Variants in MRPL2 observed in about 807,000 individuals in gnomAD.
MRPL2 encodes mitochondrial ribosomal protein L2, also known as large ribosomal subunit protein uL2m.
Under a neutral mutation model 34.6 loss-of-function variants are expected in MRPL2, and 27 were observed. The observed-to-expected ratio is 0.78, with a 90% CI of 0.58 to 1.08. The LOEUF (loss-of-function observed/expected upper bound fraction) is 1.08, where lower values mean the gene tolerates loss of function less well. MRPL2 is among the 50% of genes least tolerant of loss of function. MRPL2 has a pLI of 0.00. For missense variants in MRPL2, 414 were observed against 419.3 expected (o/e 0.99, Z 0.11); for synonymous variants, 155 against 158.0 (o/e 0.98, Z 0.14).
upstream of MRPL2, chr6:43,059,637 T>C: frequency 7.2e-7 from 1 of 1,390,754 alleles, no homozygotes; most frequent in Non-Finnish European, 9.3e-7. Context: ...CATCATGGAT[T>C]TAAAGGGGCA....
rs867523607 is a variant in MRPL2, at chr6:43,055,566, C to T, written c.684G>A (p.Leu228=). 5.0e-6 allele frequency: 8 copies of T among 1,614,076 alleles called. No homozygotes were observed. The highest frequency in any genetic ancestry group is 6.8e-6 in the Non-Finnish European group (8 of 1,180,024). ...ACACCTGCATCTGCCTCTTAGAGGG[C>T]AGCTGGATAATGGCTGTGCCATTCA... ...RKVNGTAIIQ[L]PSKRQMQVLE... The change falls in exon 6 of 7, where the codon CTG becomes CTA. Residue 228 remains leucine (L), a synonymous_variant. Transcript: ENST00000388752.
intron 2 of MRPL2, among the ~76,000 whole-genome samples, chr6:43,056,707 C>T (rs1360815730): frequency 6.6e-6 from 1 of 152,220 alleles, no homozygotes; most frequent in Non-Finnish European, 1.5e-5. Flanking sequence ...CAGAGTCTCA[C>T]TCTGTTGCCC....
At chr6:43,056,680 CT>C (rs1401216889) in intron 2 of MRPL2, among the ~76,000 whole-genome samples, 1 of 152,126 alleles carries the variant, frequency 6.6e-6, no homozygotes. Flanking sequence ...AAAATATTTT[CT>C]TTTTTTCTTC....
At position 43,059,416 on chromosome 6, in the gene MRPL2, G is replaced by T; in HGVS notation, c.-35C>A. On this transcript the variant is annotated 5_prime_UTR_variant, in exon 1 of 7. Transcript: ENST00000388752. Reference sequence around the variant, plus strand: ...ACCCTTACTTTTAGCCAAGCTGCTCGGTGCTCCTAGATGACGTTGACTGTC... The same window carrying T: ...ACCCTTACTTTTAGCCAAGCTGCTCTGTGCTCCTAGATGACGTTGACTGTC... 1 of 1,512,798 alleles carries T rather than the reference G, an allele frequency of 6.6e-7. No individual in the cohort carries two copies. Among genetic ancestry groups the T allele is most frequent in the Non-Finnish European group, 8.9e-7 (1 of 1,124,876 alleles). 93.7% of individuals were successfully genotyped at this position (1,512,798 alleles called of 1,614,324 possible). A position where few individuals can be genotyped will look rare whatever the true frequency, so the allele number is the denominator to read the frequency against.
chr6:43,059,589 C>T (rs1765026261), upstream of MRPL2: 1 of 1,414,894 alleles, frequency 7.1e-7, no homozygotes, highest in Admixed American at 3.0e-5. Flanking sequence ...AGGCCCCGCC[C>T]CCCCAGACCC....
chr6:43,054,437 T>C lies in MRPL2; in HGVS notation c.755A>G (p.His252Arg), dbSNP rs200332324. ...TGCCTTGCCAATGACCCGTTTGTTATGATCAACGTTGGATACTCGGCCTAC... is the reference window on the plus strand; with the variant it reads ...TGCCTTGCCAATGACCCGTTTGTTACGATCAACGTTGGATACTCGGCCTAC... ...ATVGRVSNVD[H>R]NKRVIGKAGR... Residue 252 changes from histidine to arginine, a missense_variant, in exon 7 of 7, where the codon CAT becomes CGT. Coordinates refer to ENST00000388752, the MANE Select transcript of MRPL2 (RefSeq NM_015950.5). The C allele has an allele frequency of 1.9e-6, 3 of 1,614,224 alleles. No homozygotes were observed. The highest frequency in any genetic ancestry group is 1.7e-5 in the Admixed American group (1 of 60,022).
At position 43,059,323 on chromosome 6, in the gene MRPL2, A is replaced by G. The variant is rs768363057; in HGVS notation, c.59T>C (p.Val20Ala). The G allele has an allele frequency of 4.5e-6, 7 of 1,551,860 alleles. No individual in the cohort carries two copies. The South Asian group carries it at 8.3e-5, about 18-fold the overall frequency. Reference sequence around the variant, plus strand: ...GAACAGACTCGGGGCAGGGGCGGCGACGGTCGGGGGCGCCAGGTTCAGAGA... The same window carrying G: ...GAACAGACTCGGGGCAGGGGCGGCGGCGGTCGGGGGCGCCAGGTTCAGAGA... Reference protein sequence around the residue: ...LRSLNLAPPTVAAPAPSLFPA... With the variant: ...LRSLNLAPPTAAAPAPSLFPA... Residue 20 changes from valine to alanine, a missense_variant, in exon 1 of 7, where the codon GTC (valine) becomes GCC (alanine). Coordinates refer to ENST00000388752, the MANE Select transcript of MRPL2 (RefSeq NM_015950.5).
chr6:43,054,358 C>T lies in MRPL2; in HGVS notation c.834G>A (p.Lys278=). 1 of 1,614,210 alleles carries T rather than the reference C, an allele frequency of 6.2e-7. No homozygotes were observed. The highest frequency in any genetic ancestry group is 8.5e-7 in the Non-Finnish European group (1 of 1,180,036). The change falls in exon 7 of 7, where the codon AAG becomes AAA. Residue 278 remains lysine (K), a synonymous_variant. Transcript: ENST00000388752. The part of the protein sequence containing the change: ...KRPNSGRWHR[K]GGWAGRKIRP... ...GAATCTTTCGGCCAGCCCAGCCCCC[C>T]TTGCGGTGCCACCGCCCACTGTTAG...
chr6:43,054,252 AT>A lies in MRPL2; in HGVS notation c.*21del. Reference sequence around the variant, plus strand: ...ACAGATTAAAACGGGGGGGGGGGGCATTTTATTAGAGTACAGGGATATCAGC... The same window carrying A: ...ACAGATTAAAACGGGGGGGGGGGGCATTTATTAGAGTACAGGGATATCAGC... On this transcript the variant is annotated 3_prime_UTR_variant, in exon 7 of 7. Transcript: ENST00000388752. The A allele has an allele frequency of 9.2e-7, 1 of 1,086,926 alleles. No individual in the cohort carries two copies. The highest frequency in any genetic ancestry group is 1.3e-6 in the Non-Finnish European group (1 of 786,364). 67.3% of individuals were successfully genotyped at this position (1,086,926 alleles called of 1,614,324 possible).
chr6:43,058,291 G>A, intron 1 of MRPL2, 58 bp from the exon 2 acceptor site: 1 of 1,562,088 alleles, frequency 6.4e-7, no homozygotes, highest in Non-Finnish European at 8.8e-7. Flanking sequence ...AAGCATCAGA[G>A]AACCAAGGCA....
rs1160111015 is a variant in MRPL2 at position 43,059,430 on chromosome 6, A to G, written c.-49T>C. On this transcript the variant is annotated 5_prime_UTR_variant, in exon 1 of 7. Coordinates refer to ENST00000388752, the MANE Select transcript of MRPL2 (RefSeq NM_015950.5). ...CCAAGCTGCTCGGTGCTCCTAGATGACGTTGACTGTCCGGCGCCGTCGCTC... is the reference window on the plus strand; with the variant it reads ...CCAAGCTGCTCGGTGCTCCTAGATGGCGTTGACTGTCCGGCGCCGTCGCTC... 2 of 1,493,786 alleles carry G rather than the reference A, an allele frequency of 1.3e-6. No individual in the cohort carries two copies. Among genetic ancestry groups the G allele is most frequent in the African/African-American group, 2.8e-5 (2 of 71,488 alleles). The allele number at this position is 1,493,786 out of a possible 1,614,324, so 92.5% of individuals were successfully genotyped here.
chr6:43,056,653 G>C (rs940624335), intron 2 of MRPL2, among the ~76,000 whole-genome samples: 4 of 152,170 alleles, frequency 2.6e-5, no homozygotes, highest in Non-Finnish European at 5.9e-5. Context: ...TATTGAAATT[G>C]TATAAAACTT....
At position 43,054,108 on chromosome 6, in the gene MRPL2, T is replaced by C. The variant is rs1764713070; in HGVS notation, c.*166A>G. ...GGGTGGGGACAGACCCAGTGTCCTG[T>C]ACTTTCTCTTCCACACTTTTTACTT... On this transcript the variant is annotated 3_prime_UTR_variant, in exon 7 of 7. Coordinates refer to ENST00000388752, the MANE Select transcript of MRPL2 (RefSeq NM_015950.5). 1 of 648,176 alleles carries C rather than the reference T, an allele frequency of 1.5e-6. No homozygotes were observed. Among genetic ancestry groups the C allele is most frequent in the East Asian group, 2.8e-5 (1 of 36,282 alleles). 40.2% of individuals were successfully genotyped at this position (648,176 alleles called of 1,614,324 possible).
Position 43,054,191 on chromosome 6 carries a change from A to C in MRPL2, c.*83T>G. Reference sequence around the variant, plus strand: ...CCCCCGCAAAAAAAAAACAACAACAAAAAAAACAAAAAACACCCAAAACAA... The same window carrying C: ...CCCCCGCAAAAAAAAAACAACAACACAAAAAACAAAAAACACCCAAAACAA... On this transcript the variant is annotated 3_prime_UTR_variant, in exon 7 of 7. Transcript: ENST00000388752. The C allele has an allele frequency of 8.8e-7, 1 of 1,137,244 alleles. No homozygotes were observed. The highest frequency in any genetic ancestry group is 1.3e-6 in the Non-Finnish European group (1 of 799,828). The allele number at this position is 1,137,244 out of a possible 1,614,324, so 70.4% of individuals were successfully genotyped here.
chr6:43,055,487 A>C, intron 6 of MRPL2, 58 bp downstream of exon 6: 1 of 1,553,520 alleles, frequency 6.4e-7, no homozygotes, highest in South Asian at 1.1e-5. Context: ...CCAGACAGGA[A>C]AGTTACATTC....
chr6:43,056,484 G>GAGT (rs1251569429), intron 2 of MRPL2, 39 bp from the exon 3 acceptor site: 2 of 1,612,754 alleles, frequency 1.2e-6, no homozygotes, highest in African/African-American at 1.3e-5. Context: ...ATTCAGGTCA[G>GAGT]AGTAGTTTAG....
rs910291564 is a variant in MRPL2 at position 43,054,098 on chromosome 6, C to G, written c.*176G>C. 7 of 637,766 alleles carry G rather than the reference C, an allele frequency of 1.1e-5. No individual in the cohort carries two copies. The East Asian group carries it at 1.7e-4, about 15-fold the overall frequency. 39.5% of individuals were successfully genotyped at this position (637,766 alleles called of 1,614,324 possible). ...AAGGGAATTGGGGTGGGGACAGACC[C>G]AGTGTCCTGTACTTTCTCTTCCACA... On this transcript the variant is annotated 3_prime_UTR_variant, in exon 7 of 7. Transcript: ENST00000388752.
intron 2 of MRPL2, chr6:43,057,847 A>G (rs1050720242): frequency 6.2e-6 from 3 of 485,878 alleles, no homozygotes; most frequent in Non-Finnish European, 1.1e-5. Context: ...CATTTTCTTC[A>G]ATTACCCAAA....
intron 5 of MRPL2, 114 bp downstream of exon 5, chr6:43,055,783 C>T (rs1223079303): frequency 3.2e-6 from 4 of 1,254,388 alleles, no homozygotes; most frequent in East Asian, 4.9e-5. Flanking sequence ...ATATCTTCAT[C>T]CTCATGTTTG....
Sources: allele counts gnomAD v4.1 joint callset (sites outside exome capture counted in the v4.1 genomes callset), GRCh38; gene constraint gnomAD v4.1.1; transcripts MANE v1.5; gene names NCBI Gene and HGNC (gene_info 2026-07-23, HGNC 2026-07-21).